Variants in ZNF679 observed in about 807,000 individuals in gnomAD.
ZNF679 encodes hypothetical protein MGC42415.
A neutral mutation model predicts 13.4 loss-of-function variants in ZNF679; 10 were observed. The ratio of observed to expected loss-of-function variants is 0.75; its 90% confidence interval spans 0.46 to 1.27. ZNF679 has a LOEUF of 1.27. Among genes scored for constraint, ZNF679 ranks in the 50% most tolerant of loss-of-function variants. The pLI is 0.00. For missense variants in ZNF679, 525 were observed against 477.8 expected, an observed-to-expected ratio of 1.10 and a Z score of -0.92; for synonymous variants, 179 against 162.5, an observed-to-expected ratio of 1.10 and a Z score of -0.77.
Position 64,266,128 on chromosome 7 carries a change from C to A in ZNF679, c.495C>A (p.Phe165Leu), listed in dbSNP as rs766544220. The change falls in exon 5 of 5, where the codon TTC becomes TTA. Residue 165 changes from phenylalanine to leucine, a missense_variant. Phe to Leu is a conservative substitution (Grantham distance 22). Transcript: ENST00000421025. ...IFQTHKCVKV[F>L]GKFSNSNRHK... is the part of the protein sequence containing the mutation. ...AGACTCATAAATGTGTCAAAGTCTT[C>A]GGCAAATTTTCAAATTCCAATAGAC... 3.1e-6 allele frequency: 5 copies of A among 1,608,660 alleles called. No individual in the cohort carries two copies. In the Admixed American group the frequency reaches 8.5e-5, roughly 27 times the overall value.
intron 1 of ZNF679, 146 bp from the exon 2 acceptor site, chr7:64,248,882 T>C (rs2116528584): frequency 3.3e-6 from 2 of 609,518 alleles, no homozygotes; most frequent in Non-Finnish European, 5.7e-6. Flanking sequence ...TGATCACATT[T>C]TTCGTCACTC....
At chr7:64,257,905 T>A (rs1385097922) in intron 2 of ZNF679, among the ~76,000 whole-genome samples, 2 of 152,152 alleles carry the variant, frequency 1.3e-5, no homozygotes, top group Non-Finnish European at 2.9e-5. Flanking sequence ...CTGGACCCTT[T>A]TGGGTCCTGC....
intron 2 of ZNF679, among the ~76,000 whole-genome samples, chr7:64,249,657 TGAA>T (rs1787916662): frequency 2.0e-5 from 3 of 152,200 alleles, no homozygotes; most frequent in African/African-American, 7.2e-5. Context: ...GGGAGAGACT[TGAA>T]GAAGTCTGTT....
rs1009876531 is a variant in ZNF679 at position 64,248,351 on chromosome 7, C to T, written c.-90-677C>T. ...AGGCTGCAGTGCAGTGGCACGATCT[C>T]GGCTCACTGCAAACTCCCCCTCCCG... On this transcript the variant is annotated intron_variant, in intron 1 of 4. Coordinates refer to ENST00000421025, the MANE Select transcript of ZNF679 (RefSeq NM_153363.3). 8.6e-5 allele frequency among the ~76,000 whole-genome samples: 13 copies of T among 151,916 alleles called. No individual in the cohort carries two copies. The East Asian group carries it at 2.5e-3, about 29-fold the overall frequency.
intron 2 of ZNF679, among the ~76,000 whole-genome samples, chr7:64,249,954 G>A (rs1035485625): frequency 6.6e-6 from 1 of 152,120 alleles, no homozygotes; most frequent in Non-Finnish European, 1.5e-5. Context: ...CAGTTCTCAC[G>A]CCTCAGGCTC....
At chr7:64,239,313 C>T (rs1376809115) in intron 1 of ZNF679, among the ~76,000 whole-genome samples, 1 of 152,158 alleles carries the variant, frequency 6.6e-6, no homozygotes, top group African/African-American at 2.4e-5. Context: ...TTGGGGCTCT[C>T]ATGAGAGGAT....
intron 1 of ZNF679, among the ~76,000 whole-genome samples, chr7:64,235,686 G>C (rs1787699949): frequency 6.6e-6 from 1 of 152,050 alleles, no homozygotes; most frequent in African/African-American, 2.4e-5. Context: ...CTACTCAGGA[G>C]ACTGAGGCAG....
At chr7:64,244,345 A>C (rs966811260) in intron 1 of ZNF679, among the ~76,000 whole-genome samples, 1 of 152,230 alleles carries the variant, frequency 6.6e-6, no homozygotes, top group Non-Finnish European at 1.5e-5. Flanking sequence ...GACTTTAGCC[A>C]TGCCAAACTG....
At chr7:64,236,975 A>AAGAAAGAAAGAAAGAAAGAAAAAG (rs201487010) in intron 1 of ZNF679, among the ~76,000 whole-genome samples, 4 of 16,264 alleles carry the variant, frequency 2.5e-4, no homozygotes, top group Non-Finnish European at 6.4e-4. Context: ...GAAAGAAAGA[A>AAGAAAGAAAGAAAGAAAGAAAAAG]AAAGAAAGAA....
intron 4 of ZNF679, among the ~76,000 whole-genome samples, chr7:64,261,304 GA>G (rs1380124930): frequency 6.6e-6 from 1 of 152,108 alleles, no homozygotes; most frequent in Non-Finnish European, 1.5e-5. Flanking sequence ...AAACGTGTGA[GA>G]ATAGTAGTTT....
chr7:64,248,526 C>G (rs28824554), intron 1 of ZNF679, among the ~76,000 whole-genome samples: 45,724 of 151,832 alleles, frequency 0.3, 8,100 homozygotes, highest in East Asian at 0.65. Flanking sequence ...ATTATCCACC[C>G]GCCTCACCCT....
At chr7:64,256,272 A>G (rs1182206249) in intron 2 of ZNF679, among the ~76,000 whole-genome samples, 3 of 152,196 alleles carry the variant, frequency 2.0e-5, no homozygotes, top group Non-Finnish European at 4.4e-5. Flanking sequence ...TAGCTGCATC[A>G]TATTTCATGG....
At chr7:64,240,134 A>G (rs1787778433) in intron 1 of ZNF679, among the ~76,000 whole-genome samples, 1 of 152,198 alleles carries the variant, frequency 6.6e-6, no homozygotes, top group South Asian at 2.1e-4. Context: ...CCAAGCAGCT[A>G]GGTGATATGA....
At chr7:64,256,681 T>C (rs1306484295) in intron 2 of ZNF679, among the ~76,000 whole-genome samples, 1 of 151,764 alleles carries the variant, frequency 6.6e-6, no homozygotes, top group African/African-American at 2.4e-5. Context: ...TAGAATCAAC[T>C]TCTGGTTTCG....
chr7:64,233,557 A>C (rs1408609118), intron 1 of ZNF679, among the ~76,000 whole-genome samples: 1 of 152,100 alleles, frequency 6.6e-6, no homozygotes, highest in Non-Finnish European at 1.5e-5. Context: ...CCATCCTCCT[A>C]GTCACCCTTT....
intron 1 of ZNF679, among the ~76,000 whole-genome samples, chr7:64,243,845 G>A (rs1165812845): frequency 6.6e-6 from 1 of 152,188 alleles, no homozygotes; most frequent in African/African-American, 2.4e-5. Context: ...CCCAACTTCA[G>A]GATCAGAGTC....
At chr7:64,264,786 T>G (rs1788122393) in intron 4 of ZNF679, among the ~76,000 whole-genome samples, 1 of 152,148 alleles carries the variant, frequency 6.6e-6, no homozygotes, top group Non-Finnish European at 1.5e-5. Context: ...CTCCCAAGAT[T>G]GTCTTCTGGC....
chr7:64,253,946 G>A (rs1787972120), intron 2 of ZNF679, among the ~76,000 whole-genome samples: 1 of 152,090 alleles, frequency 6.6e-6, no homozygotes, highest in Non-Finnish European at 1.5e-5. Context: ...CTGAAGAAAA[G>A]TATTTAGCAG....
In ZNF679 at chr7:64,249,132, G is replaced by GA; in HGVS notation, c.15_16insA (p.Gly6ArgfsTer37). The GA allele has an allele frequency of 6.2e-7, 1 of 1,614,110 alleles. No individual in the cohort carries two copies. Among genetic ancestry groups the GA allele is most frequent in the Non-Finnish European group, 8.5e-7 (1 of 1,180,012 alleles). ...TCCGCAGATTTATGGCTAAAAGACC[G>GA]GGATCCCCTGGAAGCCGAGAAATGG... On this transcript the variant is annotated frameshift_variant, in exon 2 of 5. Transcript: ENST00000421025. LOFTEE classifies it high-confidence loss of function.
Sources: allele counts gnomAD v4.1 joint callset (sites outside exome capture counted in the v4.1 genomes callset), GRCh38; gene constraint gnomAD v4.1.1; transcripts MANE v1.5; gene names NCBI Gene and HGNC (gene_info 2026-07-23, HGNC 2026-07-21).